RAD51: variants seen among roughly 807,000 people sequenced by gnomAD.
The protein encoded by RAD51 is DNA repair protein RAD51 homolog 1.
Under a neutral mutation model 41.5 loss-of-function variants are expected in RAD51, and 14 were observed. The observed-to-expected ratio is 0.34, with a 90% confidence interval of 0.22 to 0.53. The LOEUF is 0.53. Ranked by LOEUF, RAD51 falls within the 20% of genes least tolerant of loss-of-function variation. RAD51 has a pLI of 0.95. For synonymous variants in RAD51, 136 were observed against 148.6 expected (o/e 0.92, Z 0.62); for missense variants, 234 against 422.0 (o/e 0.55, Z 3.90).
At chr15:40,722,728 A>G (rs1896343539) in intron 6 of RAD51, among the ~76,000 whole-genome samples, 1 of 152,178 alleles carries the variant, frequency 6.6e-6, no homozygotes, top group Admixed American at 6.6e-5. Flanking sequence ...CCTAAATAAG[A>G]GCCTAACTAT....
rs966879655 is a variant in RAD51 at position 40,700,935 on chromosome 15, C to G, written c.88-129C>G. 1.0e-4 allele frequency: 86 copies of G among 860,716 alleles called. 1 individual carries two copies. The highest frequency in any genetic ancestry group is 6.7e-4 in the South Asian group (46 of 68,208). 53.3% of individuals were successfully genotyped at this position (860,716 alleles called of 1,614,324 possible). ...CAACTTCCCATCTCCCCCCGCCCCC[C>G]CAAGGATTTCAAGGGACAGTTGTAT... On this transcript the variant is annotated intron_variant, in intron 2 of 9. Coordinates refer to ENST00000267868, the MANE Select transcript of RAD51 (RefSeq NM_002875.5).
At chr15:40,710,269 A>AAAAAAAAAAG (rs1555427504) in intron 5 of RAD51, among the ~76,000 whole-genome samples, 3 of 104,362 alleles carry the variant, frequency 2.9e-5, no homozygotes, top group African/African-American at 1.3e-4. Flanking sequence ...AAAAAAAAAA[A>AAAAAAAAAAG]AGAAGAAGAA....
rs141369963 is a variant in RAD51 at position 40,724,507 on chromosome 15, T to C, written c.531-4204T>C. On this transcript the variant is annotated intron_variant, in intron 6 of 9. Coordinates refer to ENST00000267868, the MANE Select transcript of RAD51 (RefSeq NM_002875.5). The stretch of plus-strand genomic sequence containing the variant: ...GAATATTTTGCTGACAAAAAATTTT[T>C]TGTTGTTTGTTTTTTTAGAGACGGG... Among the ~76,000 whole-genome samples the C allele has an allele frequency of 2.2e-3, 337 of 152,004 alleles. 3 individuals carry two copies. The highest frequency in any genetic ancestry group is 8.0e-3 in the African/African-American group (331 of 41,438).
chr15:40,727,114 T>C (rs1385396508), intron 6 of RAD51, among the ~76,000 whole-genome samples: 1 of 151,232 alleles, frequency 6.6e-6, no homozygotes, highest in Non-Finnish European at 1.5e-5. Flanking sequence ...CTTTCTTTTT[T>C]AATTTTTAAT....
At chr15:40,707,659 A>G (rs1895435810) in intron 4 of RAD51, among the ~76,000 whole-genome samples, 1 of 151,936 alleles carries the variant, frequency 6.6e-6, no homozygotes, top group African/African-American at 2.4e-5. Flanking sequence ...GCAAGAGGTT[A>G]ACACTGCAGA....
chr15:40,709,202 A>G, intron 5 of RAD51, 86 bp downstream of exon 5: 3 of 1,184,812 alleles, frequency 2.5e-6, no homozygotes, highest in East Asian at 2.3e-5. Flanking sequence ...ATGGCCATAA[A>G]AGGTACTTTC....
At chr15:40,701,944 C>G (rs1285576469) in intron 3 of RAD51, 1 of 309,020 alleles carries the variant, frequency 3.2e-6, no homozygotes, top group Non-Finnish European at 6.5e-6. Context: ...CCACCACACC[C>G]AGCTAATTTT....
chr15:40,706,769 T>A (rs1895370175), intron 4 of RAD51, among the ~76,000 whole-genome samples: 1 of 152,172 alleles, frequency 6.6e-6, no homozygotes, highest in African/African-American at 2.4e-5. Context: ...AGGACCTTAT[T>A]TATAAAATAC....
chr15:40,704,639 A>G (rs1278016546), intron 3 of RAD51, among the ~76,000 whole-genome samples: 2 of 145,560 alleles, frequency 1.4e-5, no homozygotes, highest in Non-Finnish European at 3.0e-5. Flanking sequence ...GGATTCAGGC[A>G]TGAGCCACCA....
chr15:40,729,662 GC>G, intron 8 of RAD51, 28 bp downstream of exon 8: 1 of 1,613,166 alleles, frequency 6.2e-7, no homozygotes. Context: ...GACAGAGAAT[GC>G]CTACTTTCAG....
chr15:40,719,242 A>C (rs1327283670), intron 6 of RAD51, among the ~76,000 whole-genome samples: 1 of 151,766 alleles, frequency 6.6e-6, no homozygotes, highest in African/African-American at 2.4e-5. Flanking sequence ...TATTTTTAGT[A>C]GAGATGGGGT....
chr15:40,726,912 CAA>C (rs529781901), intron 6 of RAD51, among the ~76,000 whole-genome samples: 9 of 120,572 alleles, frequency 7.5e-5, no homozygotes, highest in Admixed American at 1.7e-4. Flanking sequence ...GACTCCGTCT[CAA>C]AAAAAAAAAA....
intron 6 of RAD51, among the ~76,000 whole-genome samples, chr15:40,719,852 TTA>T (rs1279238938): frequency 1.3e-5 from 2 of 151,234 alleles, no homozygotes; most frequent in East Asian, 3.9e-4. Flanking sequence ...GACAAACACA[TTA>T]TATACAAAGA....
At chr15:40,709,257 C>A in intron 5 of RAD51, 141 bp downstream of exon 5, 1 of 706,500 alleles carries the variant, frequency 1.4e-6, no homozygotes, top group Non-Finnish European at 2.5e-6. Flanking sequence ...AGAAGATAGA[C>A]TCCTACTTCA....
intron 6 of RAD51, among the ~76,000 whole-genome samples, chr15:40,724,472 A>G (rs1432291040): frequency 6.6e-6 from 1 of 151,954 alleles, no homozygotes; most frequent in African/African-American, 2.4e-5. Context: ...TGCATTCAGG[A>G]TTTGTTAATG....
rs34086110 is a variant in RAD51 at position 40,724,889 on chromosome 15, A to ATTTTT, written c.531-3805_531-3801dup. Among the ~76,000 whole-genome samples, 6 of 55,410 alleles carry ATTTTT rather than the reference A, an allele frequency of 1.1e-4. 1 individual carries two copies. Among genetic ancestry groups the ATTTTT allele is most frequent in the African/African-American group, 1.7e-4 (2 of 11,884 alleles). The allele number at this position is 55,410 out of a possible 152,430, so 36.4% of individuals were successfully genotyped here. A position where few individuals can be genotyped will look rare whatever the true frequency, so the allele number is the denominator to read the frequency against. On this transcript the variant is annotated intron_variant, in intron 6 of 9. Coordinates refer to ENST00000267868, the MANE Select transcript of RAD51 (RefSeq NM_002875.5). ...TTTTAATTTTTTTTAATTTTTTTTA[A>ATTTTT]TTTTTTTTTTTTTTTTTTTTTGAGA...
At chr15:40,708,702 G>C (rs1279226193) in intron 4 of RAD51, among the ~76,000 whole-genome samples, 2 of 151,650 alleles carry the variant, frequency 1.3e-5, no homozygotes, top group African/African-American at 4.9e-5. Flanking sequence ...TCTCACCTTA[G>C]CTCCTGAGTA....
chr15:40,710,563 T>C lies in RAD51; in HGVS notation c.435+1447T>C, dbSNP rs1262768480. Among the ~76,000 whole-genome samples the C allele has an allele frequency of 7.9e-5, 12 of 151,788 alleles. 1 individual carries two copies. The highest frequency in any genetic ancestry group is 3.9e-4 in the Admixed American group (6 of 15,246). On this transcript the variant is annotated intron_variant, in intron 5 of 9. Coordinates refer to ENST00000267868, the MANE Select transcript of RAD51 (RefSeq NM_002875.5). ...AAAAAAATTCAAGATGACAAAACTTTAGATTAACATTCAAAACTTCTTGGC... is the reference window on the plus strand; with the variant it reads ...AAAAAAATTCAAGATGACAAAACTTCAGATTAACATTCAAAACTTCTTGGC...
Position 40,701,144 on chromosome 15 carries a change from A to G in RAD51, c.168A>G (p.Pro56=), listed in dbSNP as rs774356827. 1 of 1,614,248 alleles carries G rather than the reference A, an allele frequency of 6.2e-7. No individual in the cohort carries two copies. The highest frequency in any genetic ancestry group is 1.7e-5 in the Admixed American group (1 of 60,030). Reference sequence around the variant, plus strand: ...CTGTGGAGGCTGTTGCCTATGCGCCAAAGAAGGAGCTAATAAATATTAAGG... The same window carrying G: ...CTGTGGAGGCTGTTGCCTATGCGCCGAAGAAGGAGCTAATAAATATTAAGG... ...FHTVEAVAYA[P]KKELINIKGI... is the part of the protein sequence containing the mutation. The change falls in exon 3 of 10, where the codon CCA becomes CCG. Residue 56 remains proline (P), a synonymous_variant. Transcript: ENST00000267868.
Sources: gnomAD v4.1 joint callset for allele counts (sites outside exome capture counted in the v4.1 genomes callset) on GRCh38, gnomAD v4.1.1 for gene constraint, MANE v1.5 for transcripts, NCBI Gene and HGNC (gene_info 2026-07-23, HGNC 2026-07-21) for gene names.